Variants in CPA3 observed in about 807,000 individuals in gnomAD.
CPA3 encodes the protein carboxypeptidase A3.
CPA3 carries 52 observed loss-of-function variants against 55.8 expected under a neutral mutation model. That is an observed-to-expected ratio of 0.93 (90% CI 0.75 to 1.17). The LOEUF is 1.17. Among genes scored for constraint, CPA3 ranks in the 50% most tolerant of loss-of-function variants. The pLI is 0.00. For synonymous variants in CPA3, 179 were observed against 171.2 expected (o/e 1.05, Z -0.36); for missense variants, 547 against 509.1 (o/e 1.07, Z -0.72).
intron 10 of CPA3, among the ~76,000 whole-genome samples, chr3:148,894,081 G>A (rs1159815020): frequency 3.3e-5 from 5 of 152,142 alleles, no homozygotes; most frequent in Non-Finnish European, 5.9e-5. Flanking sequence ...AGAGAGGAAG[G>A]AAGAAAAATG....
At chr3:148,872,357 A>G (rs748287027) in intron 3 of CPA3, among the ~76,000 whole-genome samples, 50 of 152,220 alleles carry the variant, frequency 3.3e-4, no homozygotes, top group Non-Finnish European at 5.9e-4. Flanking sequence ...TAGACAGTCA[A>G]TTTTTAACAT....
At chr3:148,876,744 C>T (rs376097910) in intron 3 of CPA3, among the ~76,000 whole-genome samples, 78 of 152,104 alleles carry the variant, frequency 5.1e-4, no homozygotes, top group African/African-American at 1.8e-3. Flanking sequence ...ATACATTATC[C>T]AGTATTAAAT....
chr3:148,884,243 A>C (rs571377685), intron 9 of CPA3, among the ~76,000 whole-genome samples: 3 of 152,316 alleles, frequency 2.0e-5, no homozygotes, highest in South Asian at 4.1e-4. Flanking sequence ...CAACTTGGAA[A>C]TTATATTCTT....
rs1714844095 is a variant in CPA3, at chr3:148,896,780, T to A, written c.*73T>A. On this transcript the variant is annotated 3_prime_UTR_variant, in exon 11 of 11. Coordinates refer to ENST00000296046, the MANE Select transcript of CPA3 (RefSeq NM_001870.4). ...TTTCATCAGAAAGTCAATCTTCAGT[T>A]ATCCCCAAATGCAGCTTCTATTTCA... 1 of 1,223,704 alleles carries A rather than the reference T, an allele frequency of 8.2e-7. No homozygotes were observed. Among genetic ancestry groups the A allele is most frequent in the Non-Finnish European group, 1.1e-6 (1 of 898,236 alleles). 75.8% of individuals were successfully genotyped at this position (1,223,704 alleles called of 1,614,324 possible). A position where few individuals can be genotyped will look rare whatever the true frequency, so the allele number is the denominator to read the frequency against.
intron 5 of CPA3, among the ~76,000 whole-genome samples, chr3:148,879,305 A>G (rs931293296): frequency 1.3e-5 from 2 of 152,140 alleles, no homozygotes; most frequent in Non-Finnish European, 2.9e-5. Flanking sequence ...CCAACCACTC[A>G]AAACAAACCT....
intron 2 of CPA3, among the ~76,000 whole-genome samples, chr3:148,865,994 T>C (rs1713891385): frequency 6.6e-6 from 1 of 152,200 alleles, no homozygotes; most frequent in African/African-American, 2.4e-5. Context: ...CATTTTCAAA[T>C]AAGACTTTTA....
chr3:148,885,078 G>C lies in CPA3; in HGVS notation c.982-1015G>C, dbSNP rs118054429. On this transcript the variant is annotated intron_variant, in intron 9 of 10. Coordinates refer to ENST00000296046, the MANE Select transcript of CPA3 (RefSeq NM_001870.4). ...ACACTAACGTGTATTAAAAGGTCAT[G>C]ACAAAATGCCACTCTGAAAGAGACA... is the stretch of plus-strand genomic sequence containing the variant. Among the ~76,000 whole-genome samples, 7 of 152,214 alleles carry C rather than the reference G, an allele frequency of 4.6e-5. No individual in the cohort carries two copies. In the East Asian group the frequency reaches 1.4e-3, roughly 29 times the overall value.
chr3:148,896,415 G>A, intron 10 of CPA3, 105 bp from the exon 11 acceptor site: 2 of 904,906 alleles, frequency 2.2e-6, no homozygotes, highest in East Asian at 5.0e-5. Flanking sequence ...GCAATTAACT[G>A]CACACATAAC....
At chr3:148,871,742 A>G (rs1714073616) in intron 3 of CPA3, among the ~76,000 whole-genome samples, 1 of 152,224 alleles carries the variant, frequency 6.6e-6, no homozygotes. Context: ...GAATTCTACA[A>G]AGTGGCCCAA....
chr3:148,874,324 A>G (rs1207496354), intron 3 of CPA3, among the ~76,000 whole-genome samples: 1 of 152,204 alleles, frequency 6.6e-6, no homozygotes, highest in East Asian at 1.9e-4. Flanking sequence ...TTATGTTACA[A>G]ATCAACCTCT....
In CPA3 at chr3:148,865,350, G is replaced by A. The variant is rs199499869; in HGVS notation, c.43G>A (p.Ala15Thr). 94 of 1,613,994 alleles carry A rather than the reference G, an allele frequency of 5.8e-5. No individual in the cohort carries two copies. Among genetic ancestry groups the A allele is most frequent in the Non-Finnish European group, 7.8e-5 (92 of 1,180,002 alleles). ...LPVGLIATTLAIAPVRFDREK... is the reference protein window; with the variant it reads ...LPVGLIATTLTIAPVRFDREK... The stretch of plus-strand genomic sequence containing the variant: ...TGTGGGTTTGATTGCTACCACTCTT[G>A]CAATTGCTCCTGTCCGCTTTGACAG... Residue 15 changes from alanine (A) to threonine (T), a missense_variant, in exon 1 of 11, where the codon GCA becomes ACA. Transcript: ENST00000296046.
chr3:148,886,935 T>C (rs1180243394), intron 10 of CPA3, among the ~76,000 whole-genome samples: 1 of 152,234 alleles, frequency 6.6e-6, no homozygotes, highest in Non-Finnish European at 1.5e-5. Context: ...GAAATCTGTA[T>C]GGTGAACTAG....
Position 148,883,723 on chromosome 3 carries a change from A to G in CPA3, c.889A>G (p.Ile297Val), listed in dbSNP as rs1162604055. Residue 297 changes from isoleucine to valine, a missense_variant, in exon 9 of 11, where the codon ATC (isoleucine) becomes GTC (valine). Physicochemically the swap from Ile to Val is conservative, Grantham distance 29 (BLOSUM62 3). Transcript: ENST00000296046. Reference sequence around the variant, plus strand: ...TTTCATTAGAAGCCACCTGAATGAAATCAAGGTTTACATCACCTTCCATTC... The same window carrying G: ...TTTCATTAGAAGCCACCTGAATGAAGTCAAGGTTTACATCACCTTCCATTC... The part of the protein sequence containing the change: ...TNFIRSHLNE[I>V]KVYITFHSYS... 3 of 1,614,098 alleles carry G rather than the reference A, an allele frequency of 1.9e-6. No homozygotes were observed. The highest frequency in any genetic ancestry group is 1.1e-5 in the South Asian group (1 of 91,080).
rs185272260 is a variant in CPA3 at position 148,874,854 on chromosome 3, C to T, written c.270-3587C>T. On this transcript the variant is annotated intron_variant, in intron 3 of 10. Transcript: ENST00000296046. The stretch of plus-strand genomic sequence containing the variant: ...GTCAAACATCTACATACCATCAAAG[C>T]CTGCTTTAAAAACATGTTATGACTG... Among the ~76,000 whole-genome samples the T allele has an allele frequency of 7.9e-5, 12 of 152,244 alleles. No individual in the cohort carries two copies. In the East Asian group the frequency reaches 2.3e-3, roughly 29 times the overall value.
chr3:148,892,158 C>CA (rs1205168139), intron 10 of CPA3, among the ~76,000 whole-genome samples: 1 of 151,904 alleles, frequency 6.6e-6, no homozygotes, highest in African/African-American at 2.4e-5. Flanking sequence ...AGACATTTTC[C>CA]AAAAAATAGG....
At chr3:148,892,592 G>T (rs569083373) in intron 10 of CPA3, among the ~76,000 whole-genome samples, 3 of 152,266 alleles carry the variant, frequency 2.0e-5, no homozygotes, top group Non-Finnish European at 4.4e-5. Flanking sequence ...GGCAGAGGTT[G>T]CAGTGAGCTG....
chr3:148,874,454 A>C (rs1176679053), intron 3 of CPA3, among the ~76,000 whole-genome samples: 1 of 152,140 alleles, frequency 6.6e-6, no homozygotes, highest in African/African-American at 2.4e-5. Flanking sequence ...GACCACCCAA[A>C]ATATAATTTC....
intron 10 of CPA3, among the ~76,000 whole-genome samples, chr3:148,890,223 A>G (rs1714633726): frequency 6.6e-6 from 1 of 152,216 alleles, no homozygotes. Flanking sequence ...TTAATGTGAA[A>G]TGATTATATT....
In CPA3 at chr3:148,865,460, T is replaced by C. The variant is rs1160356494; in HGVS notation, c.69-13T>C. ...TACAGTTCACTTTTTTTTTTTCATTTGCCTCCACAAAGGGAGAAGGTGTTC... is the reference window on the plus strand; with the variant it reads ...TACAGTTCACTTTTTTTTTTTCATTCGCCTCCACAAAGGGAGAAGGTGTTC... On this transcript the variant is annotated splice_polypyrimidine_tract_variant and intron_variant, in intron 1 of 10. Coordinates refer to ENST00000296046, the MANE Select transcript of CPA3 (RefSeq NM_001870.4). 2 of 1,613,736 alleles carry C rather than the reference T, an allele frequency of 1.2e-6. No individual in the cohort carries two copies. Among genetic ancestry groups the C allele is most frequent in the African/African-American group, 2.7e-5 (2 of 74,850 alleles).
Sources: allele counts gnomAD v4.1 joint callset (sites outside exome capture counted in the v4.1 genomes callset), GRCh38; gene constraint gnomAD v4.1.1; transcripts MANE v1.5; gene names NCBI Gene and HGNC (gene_info 2026-07-23, HGNC 2026-07-21).